Variants in ELAPOR2 observed in about 807,000 individuals in gnomAD.
The protein encoded by ELAPOR2 is endosome-lysosome associated apoptosis and autophagy regulator family member 2.
A neutral mutation model predicts 120.7 loss-of-function variants in ELAPOR2; 89 were observed. The observed-to-expected ratio is 0.74, with a 90% CI of 0.62 to 0.88. The LOEUF (loss-of-function observed/expected upper bound fraction) is 0.88. Among genes scored for constraint, ELAPOR2 ranks in the 40% least tolerant of loss-of-function variants. ELAPOR2 has a pLI of 0.00. For synonymous variants in ELAPOR2, 444 were observed against 444.9 expected, an observed-to-expected ratio of 1.00 and a Z score of 0.03; for missense variants, 1,134 against 1,251.6, an observed-to-expected ratio of 0.91 and a Z score of 1.42.
At chr7:87,055,855 T>G (rs915252680) in intron 1 of ELAPOR2, among the ~76,000 whole-genome samples, 3 of 152,232 alleles carry the variant, frequency 2.0e-5, no homozygotes, top group Non-Finnish European at 4.4e-5. Context: ...CAAAAACTGT[T>G]AGCAAAACTC....
chr7:87,017,431 A>G (rs1039202766), intron 1 of ELAPOR2, among the ~76,000 whole-genome samples: 5 of 152,222 alleles, frequency 3.3e-5, no homozygotes, highest in Non-Finnish European at 2.9e-5. Flanking sequence ...TGACTTGGAA[A>G]AATGCTCATA....
In ELAPOR2 at chr7:86,909,936, C is replaced by T; in HGVS notation, c.2235G>A (p.Gly745=). 6.2e-7 allele frequency: 1 copy of T among 1,613,248 alleles called. No homozygotes were observed. Among genetic ancestry groups the T allele is most frequent in the Non-Finnish European group, 8.5e-7 (1 of 1,179,500 alleles). The change falls in exon 16 of 22, where the codon GGG becomes GGA. Residue 745 remains glycine (G), a synonymous_variant. Transcript: ENST00000450689. ...TDFTVKEIVA[G]SDDYTNLVGA... ...CTACCAAATTTGTGTAATCATCTGACCCTGCCACTATTTCTTTTACTGTAA... is the reference window on the plus strand; with the variant it reads ...CTACCAAATTTGTGTAATCATCTGATCCTGCCACTATTTCTTTTACTGTAA...
At chr7:86,945,882 A>G (rs1790978342) in intron 3 of ELAPOR2, among the ~76,000 whole-genome samples, 1 of 152,046 alleles carries the variant, frequency 6.6e-6, no homozygotes, top group Admixed American at 6.6e-5. Context: ...AAAAACCACA[A>G]ATTGGGAAGA....
At chr7:86,975,431 T>C (rs1792251336) in intron 1 of ELAPOR2, among the ~76,000 whole-genome samples, 1 of 152,190 alleles carries the variant, frequency 6.6e-6, no homozygotes, top group Non-Finnish European at 1.5e-5. Context: ...AATCAATAGA[T>C]TTTTTAAAAA....
chr7:86,897,461 A>G (rs1182987155), intron 19 of ELAPOR2, 45 bp downstream of exon 19: 7 of 1,587,884 alleles, frequency 4.4e-6, no homozygotes, highest in Non-Finnish European at 6.0e-6. Flanking sequence ...TGCCAGATTA[A>G]CCAACTATAA....
chr7:86,954,110 C>T (rs1278670527), intron 2 of ELAPOR2, among the ~76,000 whole-genome samples: 1 of 152,176 alleles, frequency 6.6e-6, no homozygotes, highest in Non-Finnish European at 1.5e-5. Context: ...TACTTAACCT[C>T]TGTGCTTATT....
chr7:87,041,430 C>G (rs542306834), intron 1 of ELAPOR2, among the ~76,000 whole-genome samples: 1 of 152,100 alleles, frequency 6.6e-6, no homozygotes, highest in South Asian at 2.1e-4. Context: ...ATAAACCCTA[C>G]GAGCCAGAAG....
At chr7:86,889,182 A>G (rs74801536) in intron 21 of ELAPOR2, among the ~76,000 whole-genome samples, 1 of 152,236 alleles carries the variant, frequency 6.6e-6, no homozygotes, top group African/African-American at 2.4e-5. Flanking sequence ...TATTCACAAT[A>G]TAATTACCCT....
At chr7:87,008,920 T>G (rs1793568583) in intron 1 of ELAPOR2, among the ~76,000 whole-genome samples, 2 of 152,008 alleles carry the variant, frequency 1.3e-5, no homozygotes, top group African/African-American at 4.8e-5. Context: ...AAAAAAGGAA[T>G]CGGGGAAACA....
chr7:86,974,580 A>AGTGTGTGTGTTT (rs1792211283), intron 1 of ELAPOR2, among the ~76,000 whole-genome samples: 1 of 138,736 alleles, frequency 7.2e-6, no homozygotes, highest in African/African-American at 2.7e-5. Flanking sequence ...GAACCCCTGT[A>AGTGTGTGTGTTT]GTGTGTGTGT....
At chr7:87,037,144 A>G (rs916518183) in intron 1 of ELAPOR2, among the ~76,000 whole-genome samples, 30 of 151,944 alleles carry the variant, frequency 2.0e-4, no homozygotes, top group African/African-American at 5.8e-4. Context: ...CACTCTCCTC[A>G]ACACAGTGCT....
At chr7:86,893,123 C>T (rs762426259) in intron 19 of ELAPOR2, 23 bp from the exon 20 acceptor site, 2 of 1,480,862 alleles carry the variant, frequency 1.4e-6, no homozygotes, top group East Asian at 5.1e-5. Context: ...AAACATAAAA[C>T]CATAGAAGAC....
rs34321015 is a variant in ELAPOR2 at position 86,909,913 on chromosome 7, A to G, written c.2258T>C (p.Val753Ala). 4.9e-3 allele frequency: 7,840 copies of G among 1,612,588 alleles called. 67 individuals carry two copies. The highest frequency in any genetic ancestry group is 0.037 in the African/African-American group (2,777 of 74,986). ...TGTTGACTGGCATACAAATGCCCCT[A>G]CCAAATTTGTGTAATCATCTGACCC... is the stretch of plus-strand genomic sequence containing the variant. ...VAGSDDYTNL[V>A]GAFVCQSTII... The change falls in exon 16 of 22, where the codon GTA (valine) becomes GCA (alanine). Residue 753 changes from valine (V) to alanine (A), a missense_variant. This residue lies in a region of ELAPOR2 where 831 missense variants were observed against 867.6 expected (regional missense o/e 0.96). Transcript: ENST00000450689.
At chr7:86,887,917 A>T (rs925167635) in intron 21 of ELAPOR2, among the ~76,000 whole-genome samples, 1 of 151,994 alleles carries the variant, frequency 6.6e-6, no homozygotes, top group African/African-American at 2.4e-5. Context: ...ACACCACTAC[A>T]TAAGGTTATT....
At chr7:86,881,035 G>A (rs1432332301) in intron 21 of ELAPOR2, among the ~76,000 whole-genome samples, 1 of 152,090 alleles carries the variant, frequency 6.6e-6, no homozygotes, top group Non-Finnish European at 1.5e-5. Context: ...TTAGGTATAT[G>A]CCTATTAAAG....
intron 1 of ELAPOR2, among the ~76,000 whole-genome samples, chr7:86,975,745 C>T (rs139137958): frequency 1.3e-4 from 20 of 152,304 alleles, no homozygotes; most frequent in African/African-American, 4.6e-4. Flanking sequence ...TTTCTTTTTC[C>T]CACTCTGCCC....
chr7:86,883,106 TG>T (rs1303726010), intron 21 of ELAPOR2, among the ~76,000 whole-genome samples: 1 of 151,450 alleles, frequency 6.6e-6, no homozygotes, highest in Non-Finnish European at 1.5e-5. Context: ...GTGTCTGAGT[TG>T]AGAAATTGTG....
rs186388170 is a variant in ELAPOR2, at chr7:87,059,504, G to A, written c.10C>T (p.Arg4Cys). The A allele has an allele frequency of 3.8e-3, 4,543 of 1,201,108 alleles. 165 individuals are homozygous for A. In the African/African-American group the frequency reaches 0.066, roughly 17 times the overall value. The allele number at this position is 1,201,108 out of a possible 1,614,324, so 74.4% of individuals were successfully genotyped here. The change falls in exon 1 of 22, where the codon CGC becomes TGC. Residue 4 changes from arginine to cysteine, a missense_variant. By Grantham distance (180) the Arg-to-Cys change is radical. This residue lies in a region of ELAPOR2 where 280 missense variants were observed against 331.5 expected (regional missense o/e 0.84). Coordinates refer to ENST00000450689, the MANE Select transcript of ELAPOR2 (RefSeq NM_001142749.3). MLF[R>C]ARGPVRGRGW... ...CTGCCCCGTACCGGCCCCCGGGCGC[G>A]GAACAGCATCTTCGTCCGGCCGCGG...
intron 1 of ELAPOR2, among the ~76,000 whole-genome samples, chr7:86,972,137 C>T (rs892296907): frequency 1.2e-4 from 19 of 152,130 alleles, no homozygotes; most frequent in African/African-American, 3.4e-4. Flanking sequence ...ACCACCACCC[C>T]ACAAGCCCAC....
Sources: allele counts gnomAD v4.1 joint callset (sites outside exome capture counted in the v4.1 genomes callset), GRCh38; gene constraint gnomAD v4.1.1; regional missense constraint gnomAD v4.1.1; transcripts MANE v1.5; gene names NCBI Gene and HGNC (gene_info 2026-07-23, HGNC 2026-07-21).